The following TRHDE variants were observed in gnomAD, a reference collection of about 807,000 sequenced individuals.
The protein encoded by TRHDE is thyrotropin releasing hormone degrading enzyme, also known as thyrotropin-releasing hormone-degrading ectoenzyme.
In TRHDE, 72 loss-of-function variants were observed where a neutral mutation model predicts 125.7. That is an observed-to-expected ratio of 0.57 (90% CI 0.47 to 0.70). TRHDE has a LOEUF of 0.70. Among genes scored for constraint, TRHDE ranks in the 30% least tolerant of loss-of-function variants. The pLI is 0.00. For missense variants in TRHDE, 1,110 were observed against 1,327.1 expected, an observed-to-expected ratio of 0.84 and a Z score of 2.54; for synonymous variants, 509 against 509.1, an observed-to-expected ratio of 1.00 and a Z score of 0.00.
chr12:72,183,085 G>C (rs1190299736), intron 2 of TRHDE, among the ~76,000 whole-genome samples: 1 of 152,136 alleles, frequency 6.6e-6, no homozygotes, highest in Non-Finnish European at 1.5e-5. Context: ...CTTAGTATGG[G>C]TTCTGTGAGA....
chr12:72,519,635 C>T (rs1879075583), intron 6 of TRHDE, among the ~76,000 whole-genome samples: 2 of 152,256 alleles, frequency 1.3e-5, no homozygotes, highest in African/African-American at 2.4e-5. Flanking sequence ...AAGCCTTCCT[C>T]TCTCAGCTCG....
At chr12:72,280,327 T>A (rs943307518) in intron 1 of TRHDE, among the ~76,000 whole-genome samples, 1 of 152,224 alleles carries the variant, frequency 6.6e-6, no homozygotes, top group African/African-American at 2.4e-5. Context: ...CTGTGGTTAT[T>A]AAATATAATT....
At position 72,139,210 on chromosome 12, in the gene TRHDE, G is replaced by T. The variant is rs1189487803; in HGVS notation, n.279+33458G>T. ...TGAGTGTAAAGGAAGAAATACAAAT[G>T]AAAATGCTGGCAATATTTCTGCATC... On this transcript the variant is annotated intron_variant and non_coding_transcript_variant, in intron 2 of 4. Coordinates refer to the TRHDE transcript ENST00000548156. Among the ~76,000 whole-genome samples, 2 of 151,996 alleles carry T rather than the reference G, an allele frequency of 1.3e-5. 1 individual carries two copies. The highest frequency in any genetic ancestry group is 6.8e-3 in the Middle Eastern group (2 of 292).
chr12:72,246,743 T>G (rs1176710639), intron 2 of TRHDE, among the ~76,000 whole-genome samples: 1 of 152,258 alleles, frequency 6.6e-6, no homozygotes, highest in Admixed American at 6.5e-5. Context: ...AAAAGTCATT[T>G]TCTTCTTTAT....
intron 2 of TRHDE, among the ~76,000 whole-genome samples, chr12:72,120,420 TCTTCCTTTAATTTGATCAC>T (rs1875550756): frequency 6.6e-6 from 1 of 152,070 alleles, no homozygotes; most frequent in African/African-American, 2.4e-5. Context: ...TTCCTTCCTG[TCTTCCTTTAATTTGATCAC>T]CTTCCTTTAA....
chr12:72,517,252 T>C lies in TRHDE; in HGVS notation c.1722+17617T>C, dbSNP rs1295319193. Among the ~76,000 whole-genome samples, 122 of 151,220 alleles carry C rather than the reference T, an allele frequency of 8.1e-4. 1 individual carries two copies. The highest frequency in any genetic ancestry group is 1.7e-3 in the Admixed American group (26 of 15,176). On this transcript the variant is annotated intron_variant, in intron 6 of 18. Transcript: ENST00000261180. ...TCCTCCTTGTACCTCTGGTAGAATT[T>C]GGCTGTGAATCCATCTGGTCCTGGA...
At chr12:72,302,722 ATTTG>A (rs1302268534) in intron 2 of TRHDE, among the ~76,000 whole-genome samples, 1 of 152,036 alleles carries the variant, frequency 6.6e-6, no homozygotes, top group African/African-American at 2.4e-5. Context: ...CGTGGAACTT[ATTTG>A]TTAGCTAGAT....
At chr12:72,483,957 T>C (rs1877291291) in intron 5 of TRHDE, among the ~76,000 whole-genome samples, 1 of 152,100 alleles carries the variant, frequency 6.6e-6, no homozygotes, top group African/African-American at 2.4e-5. Context: ...GTTGTATGGC[T>C]ATTTATTTTA....
intron 6 of TRHDE, among the ~76,000 whole-genome samples, chr12:72,537,699 T>C (rs1458938178): frequency 6.6e-6 from 1 of 152,018 alleles, no homozygotes; most frequent in Non-Finnish European, 1.5e-5. Flanking sequence ...CAAACCTACT[T>C]CCAGTCTTTC....
In TRHDE at chr12:72,320,931, T is replaced by G. The variant is rs1042025231; in HGVS notation, c.1188+33977T>G. 2.0e-5 allele frequency among the ~76,000 whole-genome samples: 3 copies of G among 152,096 alleles called. No individual in the cohort carries two copies. The East Asian group carries it at 5.8e-4, about 29-fold the overall frequency. ...TTATTAGAAGGATCAAATTAAATAA[T>G]GCATGAGCCTCTGTAAACTGTAAAG... On this transcript the variant is annotated intron_variant, in intron 2 of 18. Coordinates refer to ENST00000261180, the MANE Select transcript of TRHDE (RefSeq NM_013381.3).
chr12:72,577,875 T>C (rs569365002), intron 12 of TRHDE, among the ~76,000 whole-genome samples: 2 of 152,176 alleles, frequency 1.3e-5, no homozygotes, highest in African/African-American at 2.4e-5. Flanking sequence ...CAGAAAAACA[T>C]GGAATCTCAT....
intron 2 of TRHDE, among the ~76,000 whole-genome samples, chr12:72,329,438 T>C (rs1869483136): frequency 6.6e-6 from 1 of 152,228 alleles, no homozygotes; most frequent in African/African-American, 2.4e-5. Context: ...ACTCTGATGA[T>C]AGTAAATGCA....
At chr12:72,416,960 T>G (rs1873756608) in intron 3 of TRHDE, among the ~76,000 whole-genome samples, 1 of 152,080 alleles carries the variant, frequency 6.6e-6, no homozygotes, top group Admixed American at 6.6e-5. Flanking sequence ...TTGCATAATA[T>G]GGACATTTTA....
intron 5 of TRHDE, among the ~76,000 whole-genome samples, chr12:72,497,107 A>T (rs1359001412): frequency 6.6e-6 from 1 of 152,014 alleles, no homozygotes; most frequent in Non-Finnish European, 1.5e-5. Context: ...TAATTACACA[A>T]TATCGTTCTC....
chr12:72,255,348 A>G (rs1168164071), intron 2 of TRHDE: 1 of 152,264 alleles, frequency 6.6e-6, no homozygotes, highest in Non-Finnish European at 1.5e-5. Context: ...CCCTGAGTCT[A>G]TGAGACAGAA....
rs372234691 is a variant in TRHDE, at chr12:72,472,041, T to C, written c.1471-1026T>C. On this transcript the variant is annotated intron_variant, in intron 4 of 18. Transcript: ENST00000261180. ...CTTTCTCATGGCTGGCTGTCCCTTATCATGGAAGTCTGAGCTCAAATGTCA... is the reference window on the plus strand; with the variant it reads ...CTTTCTCATGGCTGGCTGTCCCTTACCATGGAAGTCTGAGCTCAAATGTCA... 3.9e-5 allele frequency among the ~76,000 whole-genome samples: 6 copies of C among 152,356 alleles called. No individual in the cohort carries two copies. The East Asian group carries it at 7.7e-4, about 20-fold the overall frequency.
chr12:72,586,298 GTTA>G (rs1428260051), intron 12 of TRHDE, among the ~76,000 whole-genome samples: 1 of 152,160 alleles, frequency 6.6e-6, no homozygotes, highest in Non-Finnish European at 1.5e-5. Flanking sequence ...GAAGTGAGTG[GTTA>G]ATTTGAAGTA....
chr12:72,195,701 T>C (rs942924128), intron 2 of TRHDE, among the ~76,000 whole-genome samples: 1 of 152,170 alleles, frequency 6.6e-6, no homozygotes, highest in African/African-American at 2.4e-5. Flanking sequence ...ATAGTTTCTT[T>C]TGCTGTGCAG....
chr12:72,621,630 TTGA>T lies in TRHDE; in HGVS notation c.2568-9_2568-7del, dbSNP rs781251495. The T allele has an allele frequency of 1.3e-6, 2 of 1,575,312 alleles. No homozygotes were observed. Among genetic ancestry groups the T allele is most frequent in the Non-Finnish European group, 1.7e-6 (2 of 1,155,558 alleles). On this transcript the variant is annotated splice_polypyrimidine_tract_variant and intron_variant, in intron 14 of 18. Transcript: ENST00000261180. ...ACTTTCTTTTTAATTTGTTTCCCTT[TTGA>T]TGATATCTAGAGAACTACGTAGAGA...
Sources: gnomAD v4.1 joint callset for allele counts (sites outside exome capture counted in the v4.1 genomes callset) on GRCh38, gnomAD v4.1.1 for gene constraint, MANE v1.5 for transcripts, NCBI Gene and HGNC (gene_info 2026-07-23, HGNC 2026-07-21) for gene names.